GALNTL6: variants seen among roughly 807,000 people sequenced by gnomAD.
GALNTL6 encodes the protein polypeptide N-acetylgalactosaminyltransferase-like 6.
Under a neutral mutation model 73.7 loss-of-function variants are expected in GALNTL6, and 46 were observed. The observed-to-expected ratio is 0.62, with a 90% confidence interval of 0.49 to 0.80. The LOEUF is 0.80. GALNTL6 is among the 30% of genes least tolerant of loss of function. The probability of loss-of-function intolerance (pLI) is 0.00; values close to 1 mark genes in which losing one functional copy is unlikely to be tolerated. For synonymous variants in GALNTL6, 259 were observed against 263.7 expected, an observed-to-expected ratio of 0.98 and a Z score of 0.17; for missense variants, 604 against 755.0, an observed-to-expected ratio of 0.80 and a Z score of 2.34.
chr4:172,135,789 AATG>A (rs1733622958), intron 2 of GALNTL6, among the ~76,000 whole-genome samples: 1 of 152,130 alleles, frequency 6.6e-6, no homozygotes, highest in Non-Finnish European at 1.5e-5. Flanking sequence ...AGAAAAATTT[AATG>A]ATATTTGTTA....
intron 2 of GALNTL6, among the ~76,000 whole-genome samples, chr4:172,222,087 T>G (rs1736696094): frequency 6.6e-6 from 1 of 151,748 alleles, no homozygotes; most frequent in Non-Finnish European, 1.5e-5. Context: ...CACAAAATGT[T>G]TTTTCTTTCC....
chr4:172,327,665 G>T (rs548723951), intron 4 of GALNTL6, among the ~76,000 whole-genome samples: 1 of 151,920 alleles, frequency 6.6e-6, no homozygotes, highest in Non-Finnish European at 1.5e-5. Context: ...GTCTTTTTTT[G>T]ATATTTGTTG....
At chr4:172,833,683 G>A (rs995247094) in intron 7 of GALNTL6, among the ~76,000 whole-genome samples, 28 of 152,182 alleles carry the variant, frequency 1.8e-4, no homozygotes, top group South Asian at 6.2e-4. Flanking sequence ...CAACTCTAAT[G>A]CCCCATTCTG....
chr4:172,996,755 T>C (rs1327912117), intron 10 of GALNTL6, among the ~76,000 whole-genome samples: 1 of 152,178 alleles, frequency 6.6e-6, no homozygotes, highest in Admixed American at 6.5e-5. Flanking sequence ...CCCCTGGCTG[T>C]TGATCACAAG....
At chr4:172,694,945 A>G (rs1211227680) in intron 5 of GALNTL6, among the ~76,000 whole-genome samples, 1 of 152,232 alleles carries the variant, frequency 6.6e-6, no homozygotes, top group Non-Finnish European at 1.5e-5. Flanking sequence ...TGGAAATACT[A>G]TGATATAGTG....
At chr4:172,233,496 AATT>A (rs1737142642) in intron 3 of GALNTL6, among the ~76,000 whole-genome samples, 1 of 152,004 alleles carries the variant, frequency 6.6e-6, no homozygotes, top group Admixed American at 6.6e-5. Context: ...TCACTTAACC[AATT>A]ATTATTAACA....
chr4:172,419,295 A>G (rs915029832), intron 5 of GALNTL6, among the ~76,000 whole-genome samples: 4 of 152,178 alleles, frequency 2.6e-5, no homozygotes, highest in African/African-American at 4.8e-5. Context: ...TCTGGCTGCC[A>G]ACTTTGGTGA....
At chr4:172,328,356 A>G (rs1234676779) in intron 4 of GALNTL6, among the ~76,000 whole-genome samples, 4 of 151,994 alleles carry the variant, frequency 2.6e-5, no homozygotes, top group African/African-American at 9.7e-5. Flanking sequence ...AAATGTGATG[A>G]TTATGTGTAT....
In GALNTL6 at chr4:171,942,033, A is replaced by C. The variant is rs185491958; in HGVS notation, c.138+127315A>C. 3.3e-5 allele frequency among the ~76,000 whole-genome samples: 5 copies of C among 152,228 alleles called. No homozygotes were observed. The East Asian group carries it at 5.8e-4, about 18-fold the overall frequency. On this transcript the variant is annotated intron_variant, in intron 2 of 12. Coordinates refer to ENST00000506823, the MANE Select transcript of GALNTL6 (RefSeq NM_001034845.3). ...TATTCAGGAAATAGTTGAGCCCTTTAGTGTCATTTTATTTCTTGGTTTATG... is the reference window on the plus strand; with the variant it reads ...TATTCAGGAAATAGTTGAGCCCTTTCGTGTCATTTTATTTCTTGGTTTATG...
intron 5 of GALNTL6, among the ~76,000 whole-genome samples, chr4:172,680,926 G>A (rs1357034039): frequency 2.0e-5 from 3 of 152,284 alleles, no homozygotes; most frequent in Admixed American, 2.0e-4. Context: ...AATCAGCAGT[G>A]GCTAGGCTCT....
At chr4:171,893,686 A>T (rs980718825) in intron 2 of GALNTL6, among the ~76,000 whole-genome samples, 12 of 152,186 alleles carry the variant, frequency 7.9e-5, no homozygotes, top group Non-Finnish European at 1.6e-4. Context: ...ATATATATTT[A>T]AAAATATTTA....
intron 5 of GALNTL6, among the ~76,000 whole-genome samples, chr4:172,392,015 G>A (rs1309602613): frequency 6.6e-6 from 1 of 151,922 alleles, no homozygotes; most frequent in Non-Finnish European, 1.5e-5. Flanking sequence ...TTGAGATGGA[G>A]TCTTGCTCTG....
chr4:172,140,719 GT>G (rs1733778086), intron 2 of GALNTL6, among the ~76,000 whole-genome samples: 1 of 151,984 alleles, frequency 6.6e-6, no homozygotes, highest in Non-Finnish European at 1.5e-5. Context: ...AATTTTGTAT[GT>G]ATTCACTAGA....
intron 10 of GALNTL6, among the ~76,000 whole-genome samples, chr4:173,003,457 T>C (rs1336413716): frequency 1.3e-5 from 2 of 152,158 alleles, no homozygotes; most frequent in African/African-American, 4.8e-5. Context: ...CATGATACAA[T>C]AGAAATGTGA....
chr4:172,126,071 A>C (rs931386357), intron 2 of GALNTL6, among the ~76,000 whole-genome samples: 10 of 152,112 alleles, frequency 6.6e-5, no homozygotes, highest in African/African-American at 2.4e-4. Flanking sequence ...GGAAGCAATA[A>C]ATTTTGCACT....
Position 171,982,812 on chromosome 4 carries a change from C to T in GALNTL6, c.138+168094C>T, listed in dbSNP as rs1428199771. ...ATAGGATCTTAGGACCTCATACTCA[C>T]TATGCTAAAGGGAAAGTTAAGCTTG... On this transcript the variant is annotated intron_variant, in intron 2 of 12. Transcript: ENST00000506823. Among the ~76,000 whole-genome samples, 17 of 152,178 alleles carry T rather than the reference C, an allele frequency of 1.1e-4. No individual in the cohort carries two copies. In the East Asian group the frequency reaches 2.9e-3, roughly 26 times the overall value.
intron 2 of GALNTL6, among the ~76,000 whole-genome samples, chr4:171,975,942 G>A (rs903034206): frequency 1.3e-5 from 2 of 151,634 alleles, no homozygotes; most frequent in Non-Finnish European, 2.9e-5. Flanking sequence ...TTTTTTTTAA[G>A]ACGGAATTTT....
chr4:172,439,666 G>GT (rs960684101), intron 5 of GALNTL6, among the ~76,000 whole-genome samples: 1 of 151,722 alleles, frequency 6.6e-6, no homozygotes, highest in Admixed American at 6.6e-5. Flanking sequence ...ACTTCAGAAT[G>GT]TTTTTTCAAT....
rs1031748321 is a variant in GALNTL6 at position 172,809,131 on chromosome 4, G to A, written c.554-230G>A. 2.0e-5 allele frequency among the ~76,000 whole-genome samples: 3 copies of A among 152,122 alleles called. No homozygotes were observed. The highest frequency in any genetic ancestry group is 7.2e-5 in the African/African-American group (3 of 41,398). On this transcript the variant is annotated intron_variant, in intron 5 of 12. Coordinates refer to ENST00000506823, the MANE Select transcript of GALNTL6 (RefSeq NM_001034845.3). The surrounding 1 kb of genome is among the most constrained non-coding windows in gnomAD (Gnocchi z 4.4). Reference sequence around the variant, plus strand: ...GCAGTAACTGCATAACAGACCTCTGGCATGTCAGTGACTTTTGTGTTCAAA... The same window carrying A: ...GCAGTAACTGCATAACAGACCTCTGACATGTCAGTGACTTTTGTGTTCAAA...
Sources: allele counts gnomAD v4.1 joint callset (sites outside exome capture counted in the v4.1 genomes callset), GRCh38; gene constraint gnomAD v4.1.1; non-coding constraint Gnocchi (gnomAD v3.1); transcripts MANE v1.5; gene names NCBI Gene and HGNC (gene_info 2026-07-23, HGNC 2026-07-21).